Variants in ONECUT1 observed in about 807,000 individuals in gnomAD.
ONECUT1 encodes the protein one cut homeobox 1.
In ONECUT1, 12 loss-of-function variants were observed where a neutral mutation model predicts 25.6. The ratio of observed to expected loss-of-function variants is 0.47; its 90% confidence interval spans 0.30 to 0.76. The LOEUF (loss-of-function observed/expected upper bound fraction) is 0.76, where lower values mean the gene tolerates loss of function less well. Ranked by LOEUF, ONECUT1 falls within the 30% of genes least tolerant of loss-of-function variation. The pLI, the probability that ONECUT1 is intolerant of heterozygous loss-of-function variation, is 0.07. For missense variants in ONECUT1, 620 were observed against 651.2 expected (o/e 0.95, Z 0.52); for synonymous variants, 285 against 270.2 (o/e 1.05, Z -0.54).
At chr15:52,763,102 T>A (rs1596046266) in intron 1 of ONECUT1, among the ~76,000 whole-genome samples, 1 of 152,116 alleles carries the variant, frequency 6.6e-6, no homozygotes, top group South Asian at 2.1e-4. Flanking sequence ...CCATTAAAAA[T>A]AGAGAAATAC....
At chr15:52,768,565 T>A (rs2083748451) in intron 1 of ONECUT1, among the ~76,000 whole-genome samples, 1 of 152,210 alleles carries the variant, frequency 6.6e-6, no homozygotes, top group African/African-American at 2.4e-5. Context: ...ATTACATGCT[T>A]ATTTTTACCT....
intron 1 of ONECUT1, among the ~76,000 whole-genome samples, chr15:52,779,758 GGCAAA>G (rs1294255162): frequency 1.3e-5 from 2 of 152,178 alleles, no homozygotes; most frequent in African/African-American, 4.8e-5. Flanking sequence ...ATGGAGATAT[GGCAAA>G]CTAGCCTCCG....
intron 1 of ONECUT1, among the ~76,000 whole-genome samples, chr15:52,777,084 T>G (rs558043114): frequency 6.6e-6 from 1 of 152,326 alleles, no homozygotes; most frequent in Non-Finnish European, 1.5e-5. Flanking sequence ...TGGAGGAGCA[T>G]GTTGAATCAA....
At chr15:52,782,882 C>A (rs1178839969) in intron 1 of ONECUT1, among the ~76,000 whole-genome samples, 1 of 152,322 alleles carries the variant, frequency 6.6e-6, no homozygotes, top group Non-Finnish European at 1.5e-5. Flanking sequence ...ACTTGAGGAA[C>A]AAGGCCTCAA....
chr15:52,772,360 C>G (rs560858942), intron 1 of ONECUT1, among the ~76,000 whole-genome samples: 1 of 147,918 alleles, frequency 6.8e-6, no homozygotes, highest in Non-Finnish European at 1.5e-5. Context: ...TGCCACTGCA[C>G]TCCAGCCTGG....
intron 1 of ONECUT1, among the ~76,000 whole-genome samples, chr15:52,764,006 C>T (rs2083720439): frequency 6.6e-6 from 1 of 152,232 alleles, no homozygotes; most frequent in Non-Finnish European, 1.5e-5. Context: ...TTAGAACACA[C>T]TTTCTAAAAC....
intron 1 of ONECUT1, among the ~76,000 whole-genome samples, chr15:52,769,949 C>T (rs2083756485): frequency 6.6e-6 from 1 of 152,194 alleles, no homozygotes; most frequent in African/African-American, 2.4e-5. Flanking sequence ...ATGACTCCAG[C>T]AGAAGAGTCT....
At position 52,789,132 on chromosome 15, in the gene ONECUT1, A is replaced by G. The variant is rs770736540; in HGVS notation, c.753T>C (p.His251=). 3 of 1,599,918 alleles carry G rather than the reference A, an allele frequency of 1.9e-6. No homozygotes were observed. In the South Asian group the frequency reaches 3.3e-5, roughly 18 times the overall value. The change falls in exon 1 of 2, where the codon CAT becomes CAC. Residue 251 remains histidine, a synonymous_variant. Coordinates refer to ENST00000305901, the MANE Select transcript of ONECUT1 (RefSeq NM_004498.4). This position sits in a 1 kb window ranked among gnomAD's most constrained non-coding sequence, Gnocchi z 4.1. ...CCTGGGCGTTCAGGTGGGCGTGGGG[A>G]TGGTGCGGAGGAAGGCCGTTGATGG... ...MVPINGLPPH[H]PHAHLNAQGH...
intron 1 of ONECUT1, among the ~76,000 whole-genome samples, chr15:52,774,077 C>A (rs2141455213): frequency 6.7e-6 from 1 of 149,638 alleles, no homozygotes; most frequent in East Asian, 2.0e-4. Flanking sequence ...TGAAAAGTTA[C>A]AAAGTAGTAG....
intron 1 of ONECUT1, among the ~76,000 whole-genome samples, chr15:52,777,737 C>CACACACAAAAAAAA (rs57187579): frequency 1.5e-4 from 16 of 103,448 alleles, no homozygotes; most frequent in South Asian, 3.5e-4. Flanking sequence ...CACACACACA[C>CACACACAAAAAAAA]AAAAAAACAT....
rs1171230161 is a variant in ONECUT1, at chr15:52,755,534, A to T, written c.*2021T>A. 6.6e-6 allele frequency among the ~76,000 whole-genome samples: 1 copy of T among 152,208 alleles called. No homozygotes were observed. Among genetic ancestry groups the T allele is most frequent in the Non-Finnish European group, 1.5e-5 (1 of 68,034 alleles). On this transcript the variant is annotated 3_prime_UTR_variant, in exon 2 of 2. Transcript: ENST00000305901. ...CTCTTCTCATTCGACAGCAGACATG[A>T]AGGAGACACAGATAGATGGCTTGTT...
At chr15:52,782,175 C>T (rs944369260) in intron 1 of ONECUT1, among the ~76,000 whole-genome samples, 1 of 152,120 alleles carries the variant, frequency 6.6e-6, no homozygotes, top group African/African-American at 2.4e-5. Context: ...CATCTATTAG[C>T]TATTAAGAAA....
In ONECUT1 at chr15:52,764,642, C is replaced by T. The variant is rs577439052; in HGVS notation, c.1106-6795G>A. On this transcript the variant is annotated intron_variant, in intron 1 of 1. Transcript: ENST00000305901. ...CTAGAATATGTTGTCCTAACATCAT[C>T]GCAGAGAAAGTGGACTAGAGAGCAG... Among the ~76,000 whole-genome samples, 6 of 152,280 alleles carry T rather than the reference C, an allele frequency of 3.9e-5. No homozygotes were observed. The South Asian group carries it at 6.2e-4, about 16-fold the overall frequency.
intron 1 of ONECUT1, among the ~76,000 whole-genome samples, chr15:52,781,823 A>G (rs1417294540): frequency 6.6e-6 from 1 of 152,208 alleles, no homozygotes; most frequent in Non-Finnish European, 1.5e-5. Context: ...TCCAATGTAT[A>G]GCAAGATTTG....
intron 1 of ONECUT1, chr15:52,787,653 A>AGGGGGGGGGGGGGG (rs1255483635): frequency 1.1e-5 from 1 of 89,750 alleles, no homozygotes; most frequent in Admixed American, 1.1e-4. Flanking sequence ...GTGGGGGGGG[A>AGGGGGGGGGGGGGG]GGGGGCATGG....
chr15:52,759,202 C>T (rs2083690963), intron 1 of ONECUT1, among the ~76,000 whole-genome samples: 1 of 152,222 alleles, frequency 6.6e-6, no homozygotes, highest in Admixed American at 6.5e-5. Context: ...CTACCTGTTG[C>T]TGCCTTCCGC....
chr15:52,777,553 A>G lies in ONECUT1; in HGVS notation c.1105+11227T>C, dbSNP rs1032044586. ...ATTCTGATCTAAGAGCTCTTCTACA[A>G]AAGGAGTTTAGCCAGGGCCCCCACG... On this transcript the variant is annotated intron_variant, in intron 1 of 1. Transcript: ENST00000305901. 1.3e-5 allele frequency among the ~76,000 whole-genome samples: 2 copies of G among 152,210 alleles called. 1 individual carries two copies. The highest frequency in any genetic ancestry group is 4.1e-4 in the South Asian group (2 of 4,822).
Position 52,756,129 on chromosome 15 carries a change from C to T in ONECUT1, c.*1426G>A, listed in dbSNP as rs114760715. Among the ~76,000 whole-genome samples, 1,714 of 152,250 alleles carry T rather than the reference C, an allele frequency of 0.011. 36 individuals carry two copies. The highest frequency in any genetic ancestry group is 0.04 in the African/African-American group (1,666 of 41,554). The stretch of plus-strand genomic sequence containing the variant: ...AAAAGTCTTGTCGTCCACCAGAACA[C>T]TGGCTTTTTTCTATACAGTTCCACC... On this transcript the variant is annotated 3_prime_UTR_variant, in exon 2 of 2. Transcript: ENST00000305901.
At chr15:52,766,980 G>A (rs2083738367) in intron 1 of ONECUT1, among the ~76,000 whole-genome samples, 1 of 152,188 alleles carries the variant, frequency 6.6e-6, no homozygotes, top group African/African-American at 2.4e-5. Context: ...AAGGTTGCCT[G>A]GGCCTGGGAG....
Sources: allele counts gnomAD v4.1 joint callset (sites outside exome capture counted in the v4.1 genomes callset), GRCh38; gene constraint gnomAD v4.1.1; non-coding constraint Gnocchi (gnomAD v3.1); transcripts MANE v1.5; gene names NCBI Gene and HGNC (gene_info 2026-07-23, HGNC 2026-07-21).